The following NSD1 variants were observed in gnomAD, a reference collection of about 807,000 sequenced individuals.
The protein encoded by NSD1 is nuclear receptor binding SET domain protein 1, also known as histone-lysine N-methyltransferase, H3 lysine-36 specific.
A neutral mutation model predicts 242.7 loss-of-function variants in NSD1; 26 were observed. That is an observed-to-expected ratio of 0.11 (90% confidence interval 0.08 to 0.15). The LOEUF (loss-of-function observed/expected upper bound fraction) is 0.15. NSD1 is among the 10% of genes least tolerant of loss of function. The pLI is 1.00. For synonymous variants in NSD1, 1,106 were observed against 1,178.1 expected, an observed-to-expected ratio of 0.94 and a Z score of 1.25; for missense variants, 2,495 against 3,272.8, an observed-to-expected ratio of 0.76 and a Z score of 5.80.
chr5:177,228,562 T>A (rs944702086), intron 5 of NSD1, among the ~76,000 whole-genome samples: 2 of 151,772 alleles, frequency 1.3e-5, no homozygotes, highest in Non-Finnish European at 2.9e-5. Flanking sequence ...GGTTTTGGGG[T>A]TTTTGCCTTT....
Position 177,260,447 on chromosome 5 carries a change from A to G in NSD1, c.5146+279A>G, listed in dbSNP as rs552155437. Among the ~76,000 whole-genome samples the G allele has an allele frequency of 5.3e-5, 8 of 150,462 alleles. 1 individual carries two copies. The South Asian group carries it at 1.7e-3, about 31-fold the overall frequency. ...CTGCAGCCTCCACCTCCCAGGTTCAAGCAGTTCTCCTGCCTCAGCCTCCCA... is the reference window on the plus strand; with the variant it reads ...CTGCAGCCTCCACCTCCCAGGTTCAGGCAGTTCTCCTGCCTCAGCCTCCCA... On this transcript the variant is annotated intron_variant, in intron 14 of 22. Transcript: ENST00000439151.
chr5:177,267,793 G>T, intron 15 of NSD1, 75 bp downstream of exon 15: 1 of 1,421,016 alleles, frequency 7.0e-7, no homozygotes. Flanking sequence ...AATGCTTAAC[G>T]TATTTCTAAT....
At position 177,248,452 on chromosome 5, in the gene NSD1, T is replaced by C. The variant is rs1295201475; in HGVS notation, c.4641+128T>C. On this transcript the variant is annotated intron_variant, in intron 11 of 22. Transcript: ENST00000439151. Reference sequence around the variant, plus strand: ...TTTGGATGATTCCAGTGGAGTCACTTTCTTTAAGGATTTGACCCCTTTTTT... The same window carrying C: ...TTTGGATGATTCCAGTGGAGTCACTCTCTTTAAGGATTTGACCCCTTTTTT... The C allele has an allele frequency of 5.7e-6, 7 of 1,238,602 alleles. No homozygotes were observed. In the East Asian group the frequency reaches 1.0e-4, roughly 18 times the overall value. The allele number at this position is 1,238,602 out of a possible 1,614,324, so 76.7% of individuals were successfully genotyped here.
chr5:177,188,917 A>G (rs1235949343), intron 2 of NSD1, among the ~76,000 whole-genome samples: 1 of 152,146 alleles, frequency 6.6e-6, no homozygotes, highest in Non-Finnish European at 1.5e-5. Flanking sequence ...GAAATTTTCC[A>G]GGCATGTTGG....
At chr5:177,181,241 C>G (rs185865768) in intron 2 of NSD1, among the ~76,000 whole-genome samples, 1 of 151,532 alleles carries the variant, frequency 6.6e-6, no homozygotes, top group South Asian at 2.1e-4. Context: ...CGAGATTGTG[C>G]CACTGCACTC....
At position 177,299,772 on chromosome 5, in the gene NSD1, G is replaced by A. The variant is rs546221580; in HGVS notation, c.*4313G>A. The A allele has an allele frequency of 5.6e-5, 13 of 233,274 alleles. No homozygotes were observed. Among genetic ancestry groups the A allele is most frequent in the South Asian group, 3.6e-4 (2 of 5,532 alleles). 14.5% of individuals were successfully genotyped at this position (233,274 alleles called of 1,614,324 possible). ...GGTCCTGGAAGTTCAGCAAAGTTTC[G>A]TGGACAAGACATGGGCACAGAGAGT... On this transcript the variant is annotated 3_prime_UTR_variant, in exon 23 of 23. Coordinates refer to ENST00000439151, the MANE Select transcript of NSD1 (RefSeq NM_022455.5).
chr5:177,213,110 C>T (rs1461193678), intron 5 of NSD1, among the ~76,000 whole-genome samples: 2 of 152,080 alleles, frequency 1.3e-5, no homozygotes, highest in African/African-American at 4.8e-5. Context: ...CCAGAAGTAC[C>T]CAAGTGTTGT....
At chr5:177,175,807 G>T (rs1476054500) in intron 2 of NSD1, among the ~76,000 whole-genome samples, 1 of 151,980 alleles carries the variant, frequency 6.6e-6, no homozygotes, top group Non-Finnish European at 1.5e-5. Context: ...GATGGCAAGT[G>T]ATAGATACAT....
At chr5:177,281,555 A>G (rs1331017090) in intron 18 of NSD1, among the ~76,000 whole-genome samples, 1 of 152,182 alleles carries the variant, frequency 6.6e-6, no homozygotes, top group East Asian at 1.9e-4. Flanking sequence ...GAGGGAGAGA[A>G]ATATTGAACA....
At chr5:177,195,453 G>GTCTCTCTC (rs142942152) in intron 3 of NSD1, among the ~76,000 whole-genome samples, 2 of 150,742 alleles carry the variant, frequency 1.3e-5, no homozygotes, top group African/African-American at 4.9e-5. Flanking sequence ...TCATTAGGGT[G>GTCTCTCTC]TCTCTCTCTC....
chr5:177,176,730 A>G (rs972783062), intron 2 of NSD1, among the ~76,000 whole-genome samples: 15 of 152,314 alleles, frequency 9.8e-5, no homozygotes, highest in Middle Eastern at 6.8e-3. Flanking sequence ...AGGCTCATTC[A>G]TATAAGGGAT....
At chr5:177,283,038 C>T (rs1248594644) in intron 19 of NSD1, among the ~76,000 whole-genome samples, 1 of 152,186 alleles carries the variant, frequency 6.6e-6, no homozygotes, top group African/African-American at 2.4e-5. Context: ...GCTGCAACCT[C>T]TGCCTCCTGG....
At chr5:177,198,350 G>C (rs1762259729) in intron 3 of NSD1, among the ~76,000 whole-genome samples, 1 of 152,100 alleles carries the variant, frequency 6.6e-6, no homozygotes, top group Admixed American at 6.6e-5. Flanking sequence ...TCTAGAGACA[G>C]GGAAGTTTCA....
chr5:177,159,001 T>TATATATATATATATATATATATATGAATG (rs1428108442), intron 2 of NSD1, among the ~76,000 whole-genome samples: 2 of 22,092 alleles, frequency 9.1e-5, no homozygotes, highest in East Asian at 0.026. Context: ...AATGATTTTA[T>TATATATATATATATATATATATATGAATG]ATATATATAT....
chr5:177,204,778 T>C (rs971384254), intron 4 of NSD1, among the ~76,000 whole-genome samples: 3 of 148,018 alleles, frequency 2.0e-5, no homozygotes, highest in Non-Finnish European at 4.4e-5. Context: ...TGCAGGTGGG[T>C]TTTTTTTGTT....
chr5:177,180,377 A>G (rs902236730), intron 2 of NSD1, among the ~76,000 whole-genome samples: 2 of 152,106 alleles, frequency 1.3e-5, no homozygotes, highest in East Asian at 3.9e-4. Context: ...AAGTGCTGGG[A>G]TTACAGGCAT....
chr5:177,299,518 T>A lies in NSD1; in HGVS notation c.*4059T>A, dbSNP rs1036665739. ...CTCTGGTTGTTGGGTCTTCCTCAGC[T>A]CCCTTCTGCCCCTCTCTACCTCTTC... On this transcript the variant is annotated 3_prime_UTR_variant, in exon 23 of 23. Transcript: ENST00000439151. The A allele has an allele frequency of 4.3e-6, 1 of 233,194 alleles. No homozygotes were observed. Among genetic ancestry groups the A allele is most frequent in the Non-Finnish European group, 8.5e-6 (1 of 118,068 alleles). The allele number at this position is 233,194 out of a possible 1,614,324, so 14.4% of individuals were successfully genotyped here. A position where few individuals can be genotyped will look rare whatever the true frequency, so the allele number is the denominator to read the frequency against.
intron 2 of NSD1, among the ~76,000 whole-genome samples, chr5:177,165,676 T>C (rs1052470903): frequency 6.6e-6 from 1 of 152,098 alleles, no homozygotes; most frequent in Non-Finnish European, 1.5e-5. Context: ...TACTACAGCC[T>C]CGACTTCCCT....
chr5:177,139,768 A>G (rs1046716074), intron 2 of NSD1, among the ~76,000 whole-genome samples: 6 of 152,082 alleles, frequency 3.9e-5, no homozygotes, highest in African/African-American at 1.4e-4. Flanking sequence ...TAGACTGGGC[A>G]ACATAGTGAG....
Sources: gnomAD v4.1 joint callset for allele counts (sites outside exome capture counted in the v4.1 genomes callset) on GRCh38, gnomAD v4.1.1 for gene constraint, MANE v1.5 for transcripts, NCBI Gene and HGNC (gene_info 2026-07-23, HGNC 2026-07-21) for gene names.